The following SLC24A2 variants were observed in gnomAD, a reference collection of about 807,000 sequenced individuals.
The protein encoded by SLC24A2 is solute carrier family 24 member 2, also known as sodium/potassium/calcium exchanger 2.
A neutral mutation model predicts 62.0 loss-of-function variants in SLC24A2; 36 were observed. The ratio of observed to expected loss-of-function variants is 0.58; its 90% CI spans 0.44 to 0.77. SLC24A2 has a LOEUF of 0.77. Ranked by LOEUF, SLC24A2 falls within the 30% of genes least tolerant of loss-of-function variation. The pLI is 0.00. For missense variants in SLC24A2, 846 were observed against 817.9 expected, an observed-to-expected ratio of 1.03 and a Z score of -0.42; for synonymous variants, 358 against 294.0, an observed-to-expected ratio of 1.22 and a Z score of -2.23.
At chr9:20,019,302 A>T in the SLC24A2 span, among the ~76,000 whole-genome samples, 2 of 149,392 alleles carry the variant, frequency 1.3e-5, no homozygotes, top group African/African-American at 5.1e-5. Context: ...AAAGAAAGAA[A>T]GAAAGAAAGA....
chr9:19,681,188 G>C (rs1056488509), intron 2 of SLC24A2, among the ~76,000 whole-genome samples: 9 of 151,988 alleles, frequency 5.9e-5, no homozygotes, highest in Admixed American at 2.6e-4. Context: ...CCTTGCTTAT[G>C]TCTCTCCAGC....
chr9:19,866,025 A>T, the SLC24A2 span, among the ~76,000 whole-genome samples: 1 of 152,244 alleles, frequency 6.6e-6, no homozygotes, highest in Admixed American at 6.5e-5. Context: ...AATCCAATTT[A>T]AAAATGGGCA....
chr9:20,304,257 C>A, the SLC24A2 span, among the ~76,000 whole-genome samples: 1 of 152,122 alleles, frequency 6.6e-6, no homozygotes, highest in African/African-American at 2.4e-5. Flanking sequence ...GCCAACCCAC[C>A]CCCAGCCCCC....
chr9:20,137,785 C>T, the SLC24A2 span, among the ~76,000 whole-genome samples: 3 of 152,136 alleles, frequency 2.0e-5, no homozygotes, highest in Admixed American at 2.0e-4. Context: ...CCAATAGCCT[C>T]ACATGTTGAA....
intron 2 of SLC24A2, among the ~76,000 whole-genome samples, chr9:19,730,070 G>C (rs1456838298): frequency 1.3e-5 from 2 of 152,016 alleles, no homozygotes; most frequent in Non-Finnish European, 2.9e-5. Context: ...TGAATGCCAG[G>C]TCACTTTACC....
At position 19,515,806 on chromosome 9, in the gene SLC24A2, C is replaced by T. The variant is rs555406201; in HGVS notation, c.*347G>A. The T allele has an allele frequency of 4.5e-5, 15 of 332,260 alleles. No homozygotes were observed. Among genetic ancestry groups the T allele is most frequent in the African/African-American group, 8.6e-5 (4 of 46,714 alleles). The allele number at this position is 332,260 out of a possible 1,614,324, so 20.6% of individuals were successfully genotyped here. ...CAGGCAGGATTTGTGTGTTCATGTG[C>T]GTATATTTATAATATGTGTATTTAT... is the stretch of plus-strand genomic sequence containing the variant. On this transcript the variant is annotated 3_prime_UTR_variant, in exon 11 of 11. Transcript: ENST00000341998.
chr9:20,094,066 T>C, the SLC24A2 span, among the ~76,000 whole-genome samples: 1 of 152,334 alleles, frequency 6.6e-6, no homozygotes, highest in Non-Finnish European at 1.5e-5. Context: ...GAGGTTATTT[T>C]CTTTTAAGGT....
intron 2 of SLC24A2, among the ~76,000 whole-genome samples, chr9:19,667,257 T>C (rs1203781224): frequency 6.6e-6 from 1 of 152,186 alleles, no homozygotes; most frequent in Non-Finnish European, 1.5e-5. Context: ...TGTATTTTCT[T>C]CAGGTGTCTC....
At position 19,509,516 on chromosome 9, in the gene SLC24A2, C is replaced by T. The variant is rs1832633264; in HGVS notation, c.*6637G>A. 1 of 152,052 alleles carries T rather than the reference C, an allele frequency of 6.6e-6. No homozygotes were observed. The highest frequency in any genetic ancestry group is 2.4e-5 in the African/African-American group (1 of 41,424). The allele number at this position is 152,052 out of a possible 1,614,324, so 9.4% of individuals were successfully genotyped here. On this transcript the variant is annotated 3_prime_UTR_variant, in exon 11 of 11. Coordinates refer to ENST00000341998, the MANE Select transcript of SLC24A2 (RefSeq NM_020344.4). ...TGGTATTTTATGGCTTTAATTAAGA[C>T]AGTTGTCTCTTATGAAGTACTATAA...
chr9:19,891,935 G>T, the SLC24A2 span, among the ~76,000 whole-genome samples: 1 of 152,128 alleles, frequency 6.6e-6, no homozygotes, highest in Admixed American at 6.6e-5. Context: ...GAGATTTGGA[G>T]GGACAAACAT....
intron 2 of SLC24A2, among the ~76,000 whole-genome samples, chr9:19,723,408 T>TA (rs1008803909): frequency 1.3e-5 from 2 of 151,968 alleles, no homozygotes; most frequent in Admixed American, 6.6e-5. Context: ...TCACCTCATT[T>TA]AAAAAAAATA....
At chr9:20,303,334 A>G in the SLC24A2 span, among the ~76,000 whole-genome samples, 2 of 152,180 alleles carry the variant, frequency 1.3e-5, no homozygotes, top group Non-Finnish European at 2.9e-5. Flanking sequence ...AAATCCTAAC[A>G]TGGTTGAGAG....
intron 2 of SLC24A2, among the ~76,000 whole-genome samples, chr9:19,665,147 T>G (rs1819212492): frequency 6.6e-6 from 1 of 152,070 alleles, no homozygotes; most frequent in Non-Finnish European, 1.5e-5. Flanking sequence ...TGAGAAGCAG[T>G]AGACAGGGGA....
the SLC24A2 span, among the ~76,000 whole-genome samples, chr9:19,910,670 C>A: frequency 6.6e-6 from 1 of 152,022 alleles, no homozygotes; most frequent in Non-Finnish European, 1.5e-5. Context: ...TTTTCTCAGG[C>A]CTTCTTGCCC....
the SLC24A2 span, among the ~76,000 whole-genome samples, chr9:19,865,439 A>G: frequency 1.3e-5 from 2 of 152,212 alleles, no homozygotes; most frequent in Admixed American, 6.5e-5. Context: ...GAATCCCAGT[A>G]CTTGACTTCA....
chr9:19,976,937 AAAAT>A, the SLC24A2 span, among the ~76,000 whole-genome samples: 1 of 152,250 alleles, frequency 6.6e-6, no homozygotes, highest in African/African-American at 2.4e-5. Flanking sequence ...ATGAAAAAAG[AAAAT>A]AAACATAGTG....
the SLC24A2 span, among the ~76,000 whole-genome samples, chr9:20,097,362 C>A: frequency 2.0e-5 from 3 of 152,148 alleles, no homozygotes; most frequent in Admixed American, 2.0e-4. Flanking sequence ...CAAAGATTCA[C>A]CACCAGACAG....
intron 2 of SLC24A2, among the ~76,000 whole-genome samples, chr9:19,750,149 T>C (rs1451415200): frequency 1.3e-5 from 2 of 152,118 alleles, no homozygotes; most frequent in African/African-American, 4.8e-5. Context: ...AGTTTTTAGC[T>C]TGTAAAGCTG....
At chr9:19,595,057 C>T (rs932799112) in intron 5 of SLC24A2, among the ~76,000 whole-genome samples, 1 of 152,162 alleles carries the variant, frequency 6.6e-6, no homozygotes, top group African/African-American at 2.4e-5. Flanking sequence ...TTCAGAGGTT[C>T]CTGTTCTAGG....
Sources: gnomAD v4.1 joint callset for allele counts (sites outside exome capture counted in the v4.1 genomes callset) on GRCh38, gnomAD v4.1.1 for gene constraint, MANE v1.5 for transcripts, NCBI Gene and HGNC (gene_info 2026-07-23, HGNC 2026-07-21) for gene names.